Variants in CHSY1 observed in about 807,000 individuals in gnomAD.
The protein encoded by CHSY1 is chondroitin sulfate synthase 1, also known as N-acetylgalactosaminyl-proteoglycan 3-beta-glucuronosyltransferase 1.
A neutral mutation model predicts 59.8 loss-of-function variants in CHSY1; 13 were observed. That is an observed-to-expected ratio of 0.22 (90% CI 0.14 to 0.35). CHSY1 has a LOEUF of 0.35. CHSY1 is among the 10% of genes least tolerant of loss of function. The pLI, the probability that CHSY1 is intolerant of heterozygous loss-of-function variation, is 1.00. For missense variants in CHSY1, 947 were observed against 1,030.6 expected (o/e 0.92, Z 1.11); for synonymous variants, 459 against 401.2 (o/e 1.14, Z -1.72).
chr15:101,243,361 G>A (rs1036978851), intron 1 of CHSY1, among the ~76,000 whole-genome samples: 4 of 152,128 alleles, frequency 2.6e-5, no homozygotes, highest in Non-Finnish European at 4.4e-5. Flanking sequence ...ATAAATATGC[G>A]ACTAATACTT....
rs1430892672 is a variant in CHSY1 at position 101,178,019 on chromosome 15, T to G, written c.1778A>C (p.Lys593Thr). The G allele has an allele frequency of 6.2e-7, 1 of 1,614,248 alleles. No individual in the cohort carries two copies. The highest frequency in any genetic ancestry group is 8.5e-7 in the Non-Finnish European group (1 of 1,180,052). ...AATCTGCATGTCGGCTTTAGGGTAC[T>G]TAATGCGGTAATCTCTCATCAGTTC... ...QVELMRDYRI[K>T]YPKADMQILP... is the part of the protein sequence containing the mutation. Residue 593 changes from lysine to threonine, a missense_variant, in exon 3 of 3, where the codon AAG becomes ACG. Transcript: ENST00000254190.
At chr15:101,237,222 TAAAAAAAAAAAA>T (rs56731913) in intron 1 of CHSY1, among the ~76,000 whole-genome samples, 9 of 57,358 alleles carry the variant, frequency 1.6e-4, no homozygotes, top group East Asian at 5.8e-4. Context: ...AGACTCCATC[TAAAAAAAAAAAA>T]AAAAAAAAAA....
chr15:101,236,791 CTCCA>C (rs2038947823), intron 1 of CHSY1, among the ~76,000 whole-genome samples: 1 of 152,136 alleles, frequency 6.6e-6, no homozygotes, highest in Non-Finnish European at 1.5e-5. Context: ...TGCCACTGCA[CTCCA>C]GCCTGGGAGA....
At chr15:101,231,416 A>T (rs1232926525) in intron 2 of CHSY1, among the ~76,000 whole-genome samples, 1 of 152,262 alleles carries the variant, frequency 6.6e-6, no homozygotes, top group Non-Finnish European at 1.5e-5. Flanking sequence ...TGGCTAATTC[A>T]CAGCGGAAGC....
At chr15:101,205,868 C>T (rs1039037642) in intron 2 of CHSY1, among the ~76,000 whole-genome samples, 6 of 151,862 alleles carry the variant, frequency 4.0e-5, no homozygotes, top group Admixed American at 2.6e-4. Flanking sequence ...AGGAGAATGG[C>T]GTGAACCCAG....
intron 2 of CHSY1, among the ~76,000 whole-genome samples, chr15:101,208,229 C>A (rs1415506448): frequency 6.6e-6 from 1 of 152,134 alleles, no homozygotes; most frequent in Non-Finnish European, 1.5e-5. Context: ...CAGGAGTGGG[C>A]CAGCCAACAC....
chr15:101,236,606 G>T (rs554938094), intron 1 of CHSY1, among the ~76,000 whole-genome samples: 13 of 152,108 alleles, frequency 8.5e-5, no homozygotes, highest in African/African-American at 3.1e-4. Flanking sequence ...CGGATCATGA[G>T]GTCAGGAGAT....
In CHSY1 at chr15:101,249,383, C is replaced by CA. The variant is rs10593437; in HGVS notation, c.320+1753dup. Among the ~76,000 whole-genome samples, 617 of 115,034 alleles carry CA rather than the reference C, an allele frequency of 5.4e-3. 2 individuals carry two copies. Among genetic ancestry groups the CA allele is most frequent in the East Asian group, 0.011 (39 of 3,628 alleles). The allele number at this position is 115,034 out of a possible 152,430, so 75.5% of individuals were successfully genotyped here. A position where few individuals can be genotyped will look rare whatever the true frequency, so the allele number is the denominator to read the frequency against. ...TTTCCGATACGGCTGTTTCTCTGGT[C>CA]AAAAAAAAAAAAAAAATCCCATAAA... On this transcript the variant is annotated intron_variant, in intron 1 of 2. Coordinates refer to ENST00000254190, the MANE Select transcript of CHSY1 (RefSeq NM_014918.5).
chr15:101,219,716 T>C (rs1384151604), intron 2 of CHSY1, among the ~76,000 whole-genome samples: 1 of 152,044 alleles, frequency 6.6e-6, no homozygotes, highest in Non-Finnish European at 1.5e-5. Flanking sequence ...GAGAAAAAAG[T>C]TTCCCATTGT....
chr15:101,184,985 G>T (rs146982845), intron 2 of CHSY1, among the ~76,000 whole-genome samples: 1 of 152,172 alleles, frequency 6.6e-6, no homozygotes, highest in Admixed American at 6.5e-5. Flanking sequence ...AGGGTGATGC[G>T]GGTTTAAGCA....
chr15:101,251,157 A>G lies in CHSY1; in HGVS notation c.300T>C (p.Thr100=), dbSNP rs2141285957. 1.3e-6 allele frequency: 2 copies of G among 1,593,896 alleles called. No homozygotes were observed. The highest frequency in any genetic ancestry group is 1.7e-6 in the Non-Finnish European group (2 of 1,173,936). ...GVMTAQKYLQ[T]RAVAAYRTWS... is the part of the protein sequence containing the mutation. ...CTCACCTGTAGGCGGCCACGGCCCG[A>G]GTCTGCAGGTATTTCTGGGCGGTCA... Residue 100 remains threonine, a synonymous_variant, in exon 1 of 3, where the codon ACT becomes ACC. Coordinates refer to ENST00000254190, the MANE Select transcript of CHSY1 (RefSeq NM_014918.5).
chr15:101,181,220 C>A (rs2038274585), intron 2 of CHSY1, among the ~76,000 whole-genome samples: 2 of 152,300 alleles, frequency 1.3e-5, no homozygotes, highest in Non-Finnish European at 1.5e-5. Flanking sequence ...GAAGGCTCTT[C>A]CACGGCAGAG....
intron 2 of CHSY1, among the ~76,000 whole-genome samples, chr15:101,188,734 T>C (rs1311970259): frequency 6.6e-6 from 1 of 152,224 alleles, no homozygotes; most frequent in Non-Finnish European, 1.5e-5. Context: ...AAGCTGTTGC[T>C]AGTAATTCAA....
chr15:101,205,137 T>C (rs1297359510), intron 2 of CHSY1, among the ~76,000 whole-genome samples: 3 of 151,942 alleles, frequency 2.0e-5, no homozygotes, highest in Non-Finnish European at 4.4e-5. Context: ...AGTTCTAATA[T>C]TTTATCTTTT....
intron 2 of CHSY1, among the ~76,000 whole-genome samples, chr15:101,217,653 G>A (rs866840816): frequency 6.6e-6 from 1 of 152,282 alleles, no homozygotes; most frequent in East Asian, 1.9e-4. Context: ...AGAGCACCCA[G>A]TGGACAAAGG....
At position 101,251,698 on chromosome 15, in the gene CHSY1, C is replaced by G. The variant is rs926857341; in HGVS notation, c.-242G>C. The G allele has an allele frequency of 1.4e-5, 2 of 148,078 alleles. No homozygotes were observed. Among genetic ancestry groups the G allele is most frequent in the African/African-American group, 4.9e-5 (2 of 41,012 alleles). 9.2% of individuals were successfully genotyped at this position (148,078 alleles called of 1,614,324 possible). ...CCTGCGCCTTTAAGAGGGGACCATG[C>G]CCGGCGCGCGCTAGCGGCGGCTCGG... On this transcript the variant is annotated 5_prime_UTR_variant, in exon 1 of 3. Transcript: ENST00000254190.
intron 1 of CHSY1, among the ~76,000 whole-genome samples, chr15:101,242,009 G>A (rs753680551): frequency 2.4e-4 from 36 of 152,148 alleles, no homozygotes; most frequent in Non-Finnish European, 4.3e-4. Flanking sequence ...GTAAATAGTC[G>A]TTATACTATA....
intron 2 of CHSY1, among the ~76,000 whole-genome samples, chr15:101,182,400 G>A (rs965244090): frequency 1.3e-5 from 2 of 152,200 alleles, no homozygotes; most frequent in African/African-American, 4.8e-5. Flanking sequence ...TCACCACAGT[G>A]GCAACAGGAG....
At chr15:101,233,968 C>T (rs1482357683) in intron 2 of CHSY1, among the ~76,000 whole-genome samples, 1 of 152,156 alleles carries the variant, frequency 6.6e-6, no homozygotes, top group Non-Finnish European at 1.5e-5. Flanking sequence ...CTAGCAATTA[C>T]CTCTGCTCCT....
Sources: gnomAD v4.1 joint callset for allele counts (sites outside exome capture counted in the v4.1 genomes callset) on GRCh38, gnomAD v4.1.1 for gene constraint, MANE v1.5 for transcripts, NCBI Gene and HGNC (gene_info 2026-07-23, HGNC 2026-07-21) for gene names.